SKAP1: variants seen among roughly 807,000 people sequenced by gnomAD.
SKAP1 encodes the protein src kinase associated phosphoprotein 1.
In SKAP1, 44 loss-of-function variants were observed where a neutral mutation model predicts 58.5. The ratio of observed to expected loss-of-function variants is 0.75; its 90% CI spans 0.59 to 0.97. The LOEUF (loss-of-function observed/expected upper bound fraction) is 0.97. Ranked by LOEUF, SKAP1 falls within the 50% of genes least tolerant of loss-of-function variation. The pLI is 0.00. For missense variants in SKAP1, 390 were observed against 435.2 expected, an observed-to-expected ratio of 0.90 and a Z score of 0.92; for synonymous variants, 127 against 149.7, an observed-to-expected ratio of 0.85 and a Z score of 1.11.
At chr17:48,142,435 C>T (rs1359323988) in intron 11 of SKAP1, among the ~76,000 whole-genome samples, 2 of 152,112 alleles carry the variant, frequency 1.3e-5, no homozygotes, top group East Asian at 1.9e-4. Context: ...GCACTCCAGC[C>T]TGGGCAACAA....
At chr17:48,208,020 C>A (rs2064829809) in intron 4 of SKAP1, among the ~76,000 whole-genome samples, 1 of 152,078 alleles carries the variant, frequency 6.6e-6, no homozygotes, top group South Asian at 2.1e-4. Flanking sequence ...AAACAGGACA[C>A]CTGTTGTCTT....
intron 11 of SKAP1, among the ~76,000 whole-genome samples, chr17:48,144,660 A>G (rs919330126): frequency 2.6e-5 from 4 of 152,238 alleles, no homozygotes; most frequent in Non-Finnish European, 4.4e-5. Context: ...GGCAGACCCC[A>G]GCTCTGAATG....
At chr17:48,360,201 A>G (rs192293733) in intron 3 of SKAP1, among the ~76,000 whole-genome samples, 1 of 152,256 alleles carries the variant, frequency 6.6e-6, no homozygotes, top group East Asian at 1.9e-4. Context: ...TTTTATTTAA[A>G]TATTATGTCA....
chr17:48,408,682 G>A (rs776535838), intron 1 of SKAP1, among the ~76,000 whole-genome samples: 34 of 152,072 alleles, frequency 2.2e-4, no homozygotes, highest in Admixed American at 3.9e-4. Flanking sequence ...AAAATTTCCT[G>A]ATAAATGGCA....
chr17:48,309,568 G>A lies in SKAP1; in HGVS notation c.280+36337C>T, dbSNP rs571329886. On this transcript the variant is annotated intron_variant, in intron 4 of 12. Transcript: ENST00000336915. ...GTATAAGGAAGGGTCTCTATGCACA[G>A]ATATAAATATATACATATGTGTTGG... 5.1e-4 allele frequency among the ~76,000 whole-genome samples: 77 copies of A among 152,082 alleles called. 1 individual carries two copies. Among genetic ancestry groups the A allele is most frequent in the African/African-American group, 1.3e-3 (55 of 41,498 alleles).
chr17:48,187,971 T>C, intron 5 of SKAP1, 45 bp from the exon 6 acceptor site: 1 of 1,386,932 alleles, frequency 7.2e-7, no homozygotes, highest in South Asian at 1.2e-5. Flanking sequence ...GTAACTACCA[T>C]CATTGAAGAG....
intron 3 of SKAP1, among the ~76,000 whole-genome samples, chr17:48,356,526 T>A (rs987776517): frequency 6.6e-6 from 1 of 152,198 alleles, no homozygotes; most frequent in African/African-American, 2.4e-5. Flanking sequence ...TGAGATTTCT[T>A]GGGTGTTCTA....
intron 4 of SKAP1, among the ~76,000 whole-genome samples, chr17:48,329,598 T>C (rs2066479530): frequency 6.6e-6 from 1 of 152,066 alleles, no homozygotes; most frequent in South Asian, 2.1e-4. Flanking sequence ...TCCCAGCTAC[T>C]TGGGAGGCTG....
intron 4 of SKAP1, among the ~76,000 whole-genome samples, chr17:48,318,873 C>T (rs557914437): frequency 6.6e-6 from 1 of 152,040 alleles, no homozygotes; most frequent in African/African-American, 2.4e-5. Flanking sequence ...CAGGGAAAAA[C>T]AATATTTGCT....
At chr17:48,307,513 C>G (rs1436609948) in intron 4 of SKAP1, 1 of 152,216 alleles carries the variant, frequency 6.6e-6, no homozygotes, top group Non-Finnish European at 1.5e-5. Flanking sequence ...TATGTCCACG[C>G]AGAGTATGCT....
At chr17:48,254,116 G>T (rs1339869555) in intron 4 of SKAP1, among the ~76,000 whole-genome samples, 2 of 152,042 alleles carry the variant, frequency 1.3e-5, no homozygotes, top group Non-Finnish European at 2.9e-5. Flanking sequence ...ACGTGTCCCT[G>T]GATAAATAAT....
chr17:48,396,176 A>AT (rs1464966545), intron 2 of SKAP1, among the ~76,000 whole-genome samples: 2 of 152,208 alleles, frequency 1.3e-5, no homozygotes, highest in African/African-American at 4.8e-5. Context: ...AGGGCCTCTT[A>AT]TTTTTAAAAA....
At chr17:48,393,899 C>A (rs965580230) in intron 2 of SKAP1, among the ~76,000 whole-genome samples, 1 of 151,764 alleles carries the variant, frequency 6.6e-6, no homozygotes, top group Non-Finnish European at 1.5e-5. Flanking sequence ...GGTTACCACC[C>A]CCCCCAAATT....
intron 12 of SKAP1, among the ~76,000 whole-genome samples, chr17:48,135,836 T>C (rs1293448075): frequency 6.6e-6 from 1 of 152,180 alleles, no homozygotes; most frequent in Admixed American, 6.5e-5. Flanking sequence ...CAATATTTCA[T>C]ATGTTCCAAT....
intron 4 of SKAP1, among the ~76,000 whole-genome samples, chr17:48,200,245 C>T (rs771346499): frequency 2.0e-5 from 3 of 150,642 alleles, no homozygotes; most frequent in African/African-American, 4.9e-5. Context: ...TGCGGTGAGC[C>T]GAGATCATGA....
At chr17:48,142,860 C>T (rs2063784946) in intron 11 of SKAP1, among the ~76,000 whole-genome samples, 1 of 151,988 alleles carries the variant, frequency 6.6e-6, no homozygotes, top group South Asian at 2.1e-4. Context: ...GGATGGAGTG[C>T]AGTGGTGCAA....
intron 4 of SKAP1, chr17:48,196,774 C>T (rs1245072354): frequency 6.6e-6 from 1 of 152,174 alleles, no homozygotes; most frequent in Non-Finnish European, 1.5e-5. Context: ...ATATATGCTG[C>T]CAAAGTGAGC....
At chr17:48,246,199 T>G (rs1022957796) in intron 4 of SKAP1, among the ~76,000 whole-genome samples, 1 of 152,218 alleles carries the variant, frequency 6.6e-6, no homozygotes, top group Non-Finnish European at 1.5e-5. Context: ...ATTGGTTATA[T>G]TCTTAAAAAT....
chr17:48,429,261 TA>T (rs1165722122), intron 1 of SKAP1, among the ~76,000 whole-genome samples: 1 of 152,144 alleles, frequency 6.6e-6, no homozygotes, highest in East Asian at 1.9e-4. Flanking sequence ...GGAAAGCAAG[TA>T]AAAGTGACTT....
Sources: gnomAD v4.1 joint callset for allele counts (sites outside exome capture counted in the v4.1 genomes callset) on GRCh38, gnomAD v4.1.1 for gene constraint, MANE v1.5 for transcripts, NCBI Gene and HGNC (gene_info 2026-07-23, HGNC 2026-07-21) for gene names.